The following COL11A1 variants were observed in gnomAD, a reference collection of about 807,000 sequenced individuals.
COL11A1 encodes the protein collagen type XI alpha 1 chain.
Under a neutral mutation model 265.2 loss-of-function variants are expected in COL11A1, and 74 were observed. That is an observed-to-expected ratio of 0.28 (90% CI 0.23 to 0.34). The LOEUF is 0.34. COL11A1 is among the 10% of genes least tolerant of loss of function. The pLI, the probability that COL11A1 is intolerant of heterozygous loss-of-function variation, is 1.00. For missense variants in COL11A1, 2,165 were observed against 2,263.6 expected, an observed-to-expected ratio of 0.96 and a Z score of 0.88; for synonymous variants, 816 against 727.6, an observed-to-expected ratio of 1.12 and a Z score of -1.96.
rs541740685 is a variant in COL11A1, at chr1:102,879,921, G to A, written c.5041-5C>T. On this transcript the variant is annotated splice_region_variant and splice_polypyrimidine_tract_variant and intron_variant, in intron 65 of 66. Transcript: ENST00000370096. ...TTCAACATCTAAGTATGAAAGCTAG[G>A]AATAAAGGAATAAAAAGACACCTAA... 3.8e-6 allele frequency: 6 copies of A among 1,571,442 alleles called. No homozygotes were observed. The highest frequency in any genetic ancestry group is 1.3e-5 in the African/African-American group (1 of 74,136).
At chr1:102,915,045 C>G (rs540966097) in intron 50 of COL11A1, among the ~76,000 whole-genome samples, 1 of 152,226 alleles carries the variant, frequency 6.6e-6, no homozygotes, top group East Asian at 1.9e-4. Flanking sequence ...GCTGGGACTA[C>G]AGGCACGCGC....
chr1:103,013,711 A>C (rs1366224216), intron 13 of COL11A1, among the ~76,000 whole-genome samples: 3 of 151,930 alleles, frequency 2.0e-5, no homozygotes, highest in Non-Finnish European at 2.9e-5. Context: ...ATGATGCATA[A>C]AAATTTTATC....
At chr1:103,057,984 A>G (rs1419635954) in intron 4 of COL11A1, among the ~76,000 whole-genome samples, 2 of 152,200 alleles carry the variant, frequency 1.3e-5, no homozygotes, top group African/African-American at 2.4e-5. Flanking sequence ...TTGAAGCTTT[A>G]AAGCCAGGCA....
At chr1:103,035,827 T>C (rs2102019514) in intron 4 of COL11A1, among the ~76,000 whole-genome samples, 1 of 150,776 alleles carries the variant, frequency 6.6e-6, no homozygotes, top group Middle Eastern at 3.5e-3. Flanking sequence ...TGAGTTTTTT[T>C]GTAAATTATT....
rs555060234 is a variant in COL11A1 at position 103,027,284 on chromosome 1, C to T, written c.781-952G>A. ...CTTTATAAAAATTTTAATTTTCAAT[C>T]AAGATATAGATATTATTAAACATAA... On this transcript the variant is annotated intron_variant, in intron 5 of 66. Coordinates refer to ENST00000370096, the MANE Select transcript of COL11A1 (RefSeq NM_001854.4). Among the ~76,000 whole-genome samples the T allele has an allele frequency of 7.4e-5, 11 of 148,972 alleles. No homozygotes were observed. In the South Asian group the frequency reaches 2.3e-3, roughly 31 times the overall value.
chr1:103,073,926 C>T (rs1671773575), intron 4 of COL11A1, among the ~76,000 whole-genome samples: 1 of 151,872 alleles, frequency 6.6e-6, no homozygotes, highest in Admixed American at 6.6e-5. Context: ...GACAAAGAAA[C>T]GACTCAAATT....
At chr1:103,089,508 A>G (rs1673141332) in intron 1 of COL11A1, among the ~76,000 whole-genome samples, 1 of 152,156 alleles carries the variant, frequency 6.6e-6, no homozygotes, top group Non-Finnish European at 1.5e-5. Flanking sequence ...ACATCAGCTA[A>G]TATTTTTCTC....
chr1:102,970,295 C>A (rs1164549742), intron 36 of COL11A1, 23 bp from the exon 37 acceptor site: 2 of 1,575,100 alleles, frequency 1.3e-6, no homozygotes, highest in East Asian at 2.2e-5. Flanking sequence ...ATATTAAATA[C>A]CACATGTCAT....
At chr1:103,062,899 G>A (rs1434269944) in intron 4 of COL11A1, among the ~76,000 whole-genome samples, 1 of 151,914 alleles carries the variant, frequency 6.6e-6, no homozygotes, top group Non-Finnish European at 1.5e-5. Flanking sequence ...ACAAGGTTGT[G>A]TATACAAGGT....
chr1:102,890,604 C>A (rs151074940), intron 57 of COL11A1, 100 bp from the exon 58 acceptor site: 3 of 951,552 alleles, frequency 3.2e-6, no homozygotes, highest in Non-Finnish European at 3.1e-6. Flanking sequence ...TTTGAAAATA[C>A]GGAGTTGAAA....
intron 11 of COL11A1, among the ~76,000 whole-genome samples, chr1:103,016,761 T>C (rs951241551): frequency 2.0e-5 from 3 of 152,018 alleles, no homozygotes; most frequent in East Asian, 1.9e-4. Context: ...ATAGATTCTG[T>C]ACAAGTTTCA....
chr1:102,881,272 A>G (rs1650207372), intron 65 of COL11A1, among the ~76,000 whole-genome samples: 1 of 152,072 alleles, frequency 6.6e-6, no homozygotes, highest in Admixed American at 6.6e-5. Flanking sequence ...TTGTGCCAGA[A>G]CAATCAGAAA....
chr1:102,999,853 C>T (rs547951452), intron 24 of COL11A1, among the ~76,000 whole-genome samples: 3 of 151,974 alleles, frequency 2.0e-5, no homozygotes, highest in Non-Finnish European at 4.4e-5. Context: ...ATAGCTTCTA[C>T]TTTTTTAATA....
intron 4 of COL11A1, among the ~76,000 whole-genome samples, chr1:103,070,986 TA>T (rs1671540017): frequency 6.6e-6 from 1 of 152,006 alleles, no homozygotes; most frequent in South Asian, 2.1e-4. Flanking sequence ...TTGCTAATCT[TA>T]CTTTTTTCAG....
chr1:102,920,285 A>AATG, intron 49 of COL11A1, 26 bp downstream of exon 49: 3 of 1,605,348 alleles, frequency 1.9e-6, no homozygotes, highest in Non-Finnish European at 2.6e-6. Context: ...ATGCTGTTTC[A>AATG]AACTGTGTGT....
At chr1:102,954,424 A>C (rs1660168059) in intron 41 of COL11A1, among the ~76,000 whole-genome samples, 1 of 152,206 alleles carries the variant, frequency 6.6e-6, no homozygotes, top group Admixed American at 6.5e-5. Context: ...TAGACAAATC[A>C]CCTCATCAGC....
At chr1:102,891,545 C>G (rs944979686) in intron 57 of COL11A1, among the ~76,000 whole-genome samples, 1 of 151,850 alleles carries the variant, frequency 6.6e-6, no homozygotes, top group Non-Finnish European at 1.5e-5. Flanking sequence ...AATTTTCATA[C>G]TGATGACTTT....
At chr1:102,987,601 G>C in intron 30 of COL11A1, 32 bp downstream of exon 30, 1 of 1,466,978 alleles carries the variant, frequency 6.8e-7, no homozygotes, top group Non-Finnish European at 9.6e-7. Flanking sequence ...TCAGCTGCAA[G>C]AGTACCAGTG....
intron 58 of COL11A1, among the ~76,000 whole-genome samples, chr1:102,890,204 T>G (rs1488354241): frequency 1.3e-5 from 2 of 152,132 alleles, no homozygotes; most frequent in Non-Finnish European, 2.9e-5. Flanking sequence ...AACCATATGC[T>G]TTCTACATAT....
Sources: gnomAD v4.1 joint callset for allele counts (sites outside exome capture counted in the v4.1 genomes callset) on GRCh38, gnomAD v4.1.1 for gene constraint, MANE v1.5 for transcripts, NCBI Gene and HGNC (gene_info 2026-07-23, HGNC 2026-07-21) for gene names.